The following ZNF708 variants were observed in gnomAD, a reference collection of about 807,000 sequenced individuals.
ZNF708 encodes the protein zinc finger protein 708, also known as ZNF15, ZNF15L1.
In ZNF708, 44 loss-of-function variants were observed where a neutral mutation model predicts 47.0. The observed-to-expected ratio is 0.94, with a 90% CI of 0.74 to 1.20. The LOEUF (loss-of-function observed/expected upper bound fraction) is 1.20. Ranked by LOEUF, ZNF708 falls within the 50% of genes most tolerant of loss-of-function variation. ZNF708 has a pLI of 0.00. For missense variants in ZNF708, 557 were observed against 656.0 expected (o/e 0.85, Z 1.65); for synonymous variants, 184 against 218.5 (o/e 0.84, Z 1.39).
At position 21,294,633 on chromosome 19, in the gene ZNF708, G is replaced by A; in HGVS notation, c.333C>T (p.Gly111=). Residue 111 remains glycine (G), a synonymous_variant, in exon 4 of 4, where the codon GGC becomes GGT. Transcript: ENST00000356929. ...RRYGKCGYQK[G]CKSVDEHKLH... The stretch of plus-strand genomic sequence containing the variant: ...ACTTATGCTCATCCACACTTTTACA[G>A]CCTTTCTGATATCCACATTTTCCAT... The A allele has an allele frequency of 6.2e-7, 1 of 1,613,878 alleles. No individual in the cohort carries two copies. Among genetic ancestry groups the A allele is most frequent in the Non-Finnish European group, 8.5e-7 (1 of 1,179,956 alleles).
intron 1 of ZNF708, 83 bp from the exon 2 acceptor site, chr19:21,310,710 T>A: frequency 1.7e-6 from 2 of 1,180,402 alleles, no homozygotes; most frequent in African/African-American, 1.6e-5. Context: ...AATGAGAGAG[T>A]AAAGAGAACT....
In ZNF708 at chr19:21,294,188, C is replaced by A; in HGVS notation, c.778G>T (p.Ala260Ser). The A allele has an allele frequency of 6.2e-7, 1 of 1,612,758 alleles. No individual in the cohort carries two copies. The highest frequency in any genetic ancestry group is 8.5e-7 in the Non-Finnish European group (1 of 1,179,868). ...GTAAGGTTTGAGGACCGGTTAAAAG[C>A]TTTGCCACATTCTTCACATTTGTAG... ...KLYKCEECGKAFNRSSNLTKH... is the reference protein window; with the variant it reads ...KLYKCEECGKSFNRSSNLTKH... Residue 260 changes from alanine to serine, a missense_variant, in exon 4 of 4, where the codon GCT becomes TCT. Physicochemically the swap from Ala to Ser is moderately conservative, Grantham distance 99. Transcript: ENST00000356929.
At chr19:21,303,147 G>A (rs1972692575) in intron 3 of ZNF708, among the ~76,000 whole-genome samples, 1 of 152,096 alleles carries the variant, frequency 6.6e-6, no homozygotes, top group South Asian at 2.1e-4. Flanking sequence ...AGCTATTTGA[G>A]AGGCCGAAAT....
At chr19:21,307,460 A>G (rs980643975) in intron 3 of ZNF708, among the ~76,000 whole-genome samples, 4 of 152,088 alleles carry the variant, frequency 2.6e-5, no homozygotes, top group African/African-American at 9.7e-5. Context: ...CCCGTCTACT[A>G]AAAATACAAA....
chr19:21,295,324 C>T (rs541320663), intron 3 of ZNF708, among the ~76,000 whole-genome samples: 53 of 152,266 alleles, frequency 3.5e-4, no homozygotes, highest in African/African-American at 1.3e-3. Context: ...CACTAACATA[C>T]TTCTTTAACT....
At chr19:21,328,072 G>A (rs1973298387) in intron 1 of ZNF708, 1 of 973,758 alleles carries the variant, frequency 1.0e-6, no homozygotes, top group Non-Finnish European at 1.2e-6. Flanking sequence ...CTGAAACCCA[G>A]GACCAGGAAA....
chr19:21,294,048 T>C lies in ZNF708; in HGVS notation c.918A>G (p.Lys306=). ...TNHKKIHTGE[K]PYKCGECGKA... ...TGCCACATTCTCCACATTTGTAGGG[T>C]TTCTCTCCAGTATGAATTTTCTTGT... Residue 306 remains lysine, a synonymous_variant, in exon 4 of 4, where the codon AAA becomes AAG. Coordinates refer to ENST00000356929, the MANE Select transcript of ZNF708 (RefSeq NM_021269.3). 4 of 1,613,698 alleles carry C rather than the reference T, an allele frequency of 2.5e-6. No individual in the cohort carries two copies. The highest frequency in any genetic ancestry group is 3.4e-6 in the Non-Finnish European group (4 of 1,179,814).
At chr19:21,295,534 T>C (rs368191301) in intron 3 of ZNF708, among the ~76,000 whole-genome samples, 23 of 152,114 alleles carry the variant, frequency 1.5e-4, no homozygotes, top group African/African-American at 5.3e-4. Context: ...TCACCTGAGG[T>C]TGGGAGTTCA....
At chr19:21,305,864 CA>C (rs1403703716) in intron 3 of ZNF708, among the ~76,000 whole-genome samples, 1 of 152,050 alleles carries the variant, frequency 6.6e-6, no homozygotes, top group Non-Finnish European at 1.5e-5. Flanking sequence ...GCTACAACAA[CA>C]AAACAATGTG....
At chr19:21,323,962 G>T (rs62107479) in intron 1 of ZNF708, among the ~76,000 whole-genome samples, 1 of 152,096 alleles carries the variant, frequency 6.6e-6, no homozygotes, top group Non-Finnish European at 1.5e-5. Context: ...GTGTTTAGCC[G>T]GGCGCAGTGG....
chr19:21,323,728 G>A (rs1973198365), intron 1 of ZNF708, among the ~76,000 whole-genome samples: 1 of 152,156 alleles, frequency 6.6e-6, no homozygotes, highest in Non-Finnish European at 1.5e-5. Context: ...GCATCCACCT[G>A]TGGGTCCCCA....
chr19:21,304,587 T>C (rs149878157), intron 3 of ZNF708, among the ~76,000 whole-genome samples: 1 of 152,344 alleles, frequency 6.6e-6, no homozygotes, highest in East Asian at 1.9e-4. Flanking sequence ...TACCAAGTCT[T>C]ATTAAATTTA....
chr19:21,303,568 T>A (rs996946876), intron 3 of ZNF708, among the ~76,000 whole-genome samples: 4 of 149,084 alleles, frequency 2.7e-5, no homozygotes, highest in African/African-American at 9.9e-5. Flanking sequence ...AGAAAAAAAA[T>A]TAAAATAAAT....
chr19:21,309,143 A>G (rs1972845873), intron 3 of ZNF708, 103 bp downstream of exon 3: 2 of 1,171,746 alleles, frequency 1.7e-6, no homozygotes, highest in Non-Finnish European at 1.2e-6. Context: ...AGCTGCCTAG[A>G]AACTTTGGAA....
intron 1 of ZNF708, among the ~76,000 whole-genome samples, chr19:21,325,058 A>C (rs1434427733): frequency 6.6e-6 from 1 of 152,188 alleles, no homozygotes; most frequent in African/African-American, 2.4e-5. Context: ...CACTGATGAA[A>C]GAAATCATAG....
At chr19:21,298,233 A>G (rs1411191359) in intron 3 of ZNF708, among the ~76,000 whole-genome samples, 1 of 152,168 alleles carries the variant, frequency 6.6e-6, no homozygotes, top group Non-Finnish European at 1.5e-5. Context: ...ACCCTTCCCA[A>G]TAGTTCATAC....
chr19:21,295,745 CA>C (rs34551319), intron 3 of ZNF708, among the ~76,000 whole-genome samples: 4 of 144,524 alleles, frequency 2.8e-5, no homozygotes, highest in Admixed American at 6.9e-5. Flanking sequence ...AACTCCATCT[CA>C]AAAAAAAAAG....
Position 21,293,650 on chromosome 19 carries a change from T to C in ZNF708, c.1316A>G (p.Lys439Arg). 1 of 1,612,410 alleles carries C rather than the reference T, an allele frequency of 6.2e-7. No individual in the cohort carries two copies. The highest frequency in any genetic ancestry group is 8.5e-7 in the Non-Finnish European group (1 of 1,179,608). The change falls in exon 4 of 4, where the codon AAA becomes AGA. Residue 439 changes from lysine (K) to arginine (R), a missense_variant. Coordinates refer to ENST00000356929, the MANE Select transcript of ZNF708 (RefSeq NM_021269.3). ...GGGTTTGTCTTCAGTATGAATTACT[T>C]TATGTTTAGTAAGGATTGAGAATAT... ...FSIFSILTKH[K>R]VIHTEDKPYK...
intron 3 of ZNF708, among the ~76,000 whole-genome samples, chr19:21,303,413 G>C (rs2145159330): frequency 6.6e-6 from 1 of 152,252 alleles, no homozygotes; most frequent in South Asian, 2.1e-4. Context: ...AATTAGATGG[G>C]TGTGGTGGCA....
Sources: allele counts gnomAD v4.1 joint callset (sites outside exome capture counted in the v4.1 genomes callset), GRCh38; gene constraint gnomAD v4.1.1; transcripts MANE v1.5; gene names NCBI Gene and HGNC (gene_info 2026-07-23, HGNC 2026-07-21).